Variants in PRDM2 observed in about 807,000 individuals in gnomAD.
PRDM2 encodes the protein PR/SET domain 2.
PRDM2 carries 30 observed loss-of-function variants against 130.0 expected under a neutral mutation model. The observed-to-expected ratio is 0.23, with a 90% confidence interval of 0.17 to 0.31. The LOEUF (loss-of-function observed/expected upper bound fraction) is 0.31. Among genes scored for constraint, PRDM2 ranks in the 10% least tolerant of loss-of-function variants. The pLI is 1.00. For synonymous variants in PRDM2, 871 were observed against 782.4 expected, an observed-to-expected ratio of 1.11 and a Z score of -1.89; for missense variants, 2,011 against 2,108.4, an observed-to-expected ratio of 0.95 and a Z score of 0.90.
chr1:13,701,760 T>A (rs1642080067), intron 1 of PRDM2, among the ~76,000 whole-genome samples: 1 of 152,220 alleles, frequency 6.6e-6, no homozygotes, highest in African/African-American at 2.4e-5. Context: ...TCCAGGGCTC[T>A]TTTTACTCAA....
intron 7 of PRDM2, 29 bp downstream of exon 7, chr1:13,773,217 A>G: frequency 7.2e-7 from 1 of 1,382,390 alleles, no homozygotes; most frequent in Non-Finnish European, 9.8e-7. Flanking sequence ...CTTGGTCTGA[A>G]TTGGGTGTGT....
chr1:13,816,237 A>C (rs536535882), intron 8 of PRDM2, among the ~76,000 whole-genome samples, 190 bp from the exon 9 acceptor site: 1 of 152,228 alleles, frequency 6.6e-6, no homozygotes, highest in East Asian at 1.9e-4. Context: ...GACATGGAGA[A>C]GTGCACATTG....
At chr1:13,818,411 G>A (rs1388262199) in intron 9 of PRDM2, among the ~76,000 whole-genome samples, 3 of 135,586 alleles carry the variant, frequency 2.2e-5, no homozygotes, top group East Asian at 2.1e-4. Flanking sequence ...ACAGAGTCTC[G>A]CTCTGTCGCC....
intron 6 of PRDM2, among the ~76,000 whole-genome samples, chr1:13,755,595 T>A (rs1161948323): frequency 6.6e-6 from 1 of 152,310 alleles, no homozygotes; most frequent in African/African-American, 2.4e-5. Flanking sequence ...ATTTCCTGTG[T>A]TTTCCTTAAA....
chr1:13,713,275 A>G (rs866279946), intron 1 of PRDM2, among the ~76,000 whole-genome samples: 4 of 152,246 alleles, frequency 2.6e-5, no homozygotes, highest in African/African-American at 7.2e-5. Flanking sequence ...CCTCCTTTCC[A>G]CTGCTCAAGG....
chr1:13,730,078 A>T (rs1361887352), intron 2 of PRDM2, among the ~76,000 whole-genome samples: 1 of 152,180 alleles, frequency 6.6e-6, no homozygotes, highest in East Asian at 1.9e-4. Flanking sequence ...GTCCTGGAGA[A>T]GTGTTTCCCT....
At chr1:13,813,065 T>C (rs568741706) in intron 8 of PRDM2, among the ~76,000 whole-genome samples, 8 of 152,198 alleles carry the variant, frequency 5.3e-5, no homozygotes, top group Admixed American at 4.6e-4. Context: ...TCCATATGAG[T>C]CCACCAACCG....
chr1:13,718,781 G>C (rs1642630345), intron 2 of PRDM2, among the ~76,000 whole-genome samples: 1 of 152,024 alleles, frequency 6.6e-6, no homozygotes, highest in Non-Finnish European at 1.5e-5. Flanking sequence ...TCCATTCTCA[G>C]ATCGTAGGTA....
At chr1:13,777,711 C>G (rs2100653903) in intron 7 of PRDM2, among the ~76,000 whole-genome samples, 1 of 134,844 alleles carries the variant, frequency 7.4e-6, no homozygotes, top group South Asian at 2.7e-4. Flanking sequence ...CAAGTCCTTC[C>G]CTGACTGCCT....
At position 13,806,813 on chromosome 1, in the gene PRDM2, T is replaced by C. The variant is rs1034104313; in HGVS notation, c.5037-9614T>C. Among the ~76,000 whole-genome samples, 2 of 152,166 alleles carry C rather than the reference T, an allele frequency of 1.3e-5. No homozygotes were observed. The highest frequency in any genetic ancestry group is 2.9e-5 in the Non-Finnish European group (2 of 68,030). On this transcript the variant is annotated intron_variant, in intron 8 of 9. Transcript: ENST00000311066. This position sits in a 1 kb window ranked among gnomAD's most constrained non-coding sequence, Gnocchi z 4.1. ...GAAGGACAACTGACTGACACCTCAC[T>C]TGAAGGCCTATGAGACCCTCCCCTC... is the stretch of plus-strand genomic sequence containing the variant.
intron 2 of PRDM2, among the ~76,000 whole-genome samples, chr1:13,727,318 G>A (rs531143496): frequency 1.3e-5 from 2 of 152,060 alleles, no homozygotes; most frequent in East Asian, 3.9e-4. Context: ...GCAGTGGCAC[G>A]ATCTCGGCTC....
chr1:13,712,654 G>A (rs1168762588), intron 1 of PRDM2, among the ~76,000 whole-genome samples: 1 of 152,222 alleles, frequency 6.6e-6, no homozygotes, highest in Non-Finnish European at 1.5e-5. Context: ...CTACTCAGGA[G>A]GCTGAGGCAG....
chr1:13,805,428 G>A lies in PRDM2; in HGVS notation c.5037-10999G>A, dbSNP rs1447993762. On this transcript the variant is annotated intron_variant, in intron 8 of 9. Coordinates refer to ENST00000311066, the MANE Select transcript of PRDM2 (RefSeq NM_001393986.1). Reference sequence around the variant, plus strand: ...CCAGGCTGGGGGCTTCATTTGAATGGGCAGGGGCTTCCTGAAGCACGTGGG... The same window carrying A: ...CCAGGCTGGGGGCTTCATTTGAATGAGCAGGGGCTTCCTGAAGCACGTGGG... 2.6e-5 allele frequency among the ~76,000 whole-genome samples: 4 copies of A among 152,062 alleles called. No individual in the cohort carries two copies. In the East Asian group the frequency reaches 7.8e-4, roughly 30 times the overall value.
At position 13,782,082 on chromosome 1, in the gene PRDM2, A is replaced by G. The variant is rs1336169200; in HGVS notation, c.4287A>G (p.Val1429=). The G allele has an allele frequency of 1.2e-6, 2 of 1,614,118 alleles. No homozygotes were observed. The highest frequency in any genetic ancestry group is 1.7e-6 in the Non-Finnish European group (2 of 1,180,026). ...CATTGAAGAAAAAAAATCAGCTAGT[A>G]CAGAAAGCAATTCTTCAGAAAAACA... ...LNALKKKNQL[V]QKAILQKNKS... Residue 1429 remains valine (V), a synonymous_variant, in exon 8 of 10, where the codon GTA becomes GTG. Transcript: ENST00000311066.
chr1:13,772,333 T>C (rs1644378096), intron 6 of PRDM2: 2 of 152,380 alleles, frequency 1.3e-5, no homozygotes, highest in South Asian at 4.1e-4. Flanking sequence ...TTCATGACTT[T>C]AGTTCCGTTG....
chr1:13,776,411 G>A (rs1367524127), intron 7 of PRDM2, among the ~76,000 whole-genome samples: 7 of 152,156 alleles, frequency 4.6e-5, no homozygotes, highest in East Asian at 3.8e-4. Flanking sequence ...TGGGACTGTC[G>A]CGACAGCAGC....
intron 6 of PRDM2, chr1:13,770,287 A>T (rs770572752): frequency 1.9e-5 from 9 of 474,052 alleles, no homozygotes; most frequent in Admixed American, 9.0e-5. Context: ...GTGCTCTAAC[A>T]TTCTTTTAGG....
intron 8 of PRDM2, chr1:13,787,295 G>T (rs528228639): frequency 2.0e-6 from 2 of 983,968 alleles, no homozygotes; most frequent in Non-Finnish European, 2.4e-6. Context: ...ATGTCTACAC[G>T]TAAGTATAAA....
intron 2 of PRDM2, among the ~76,000 whole-genome samples, chr1:13,725,412 C>G (rs1352109309): frequency 6.6e-6 from 1 of 152,040 alleles, no homozygotes; most frequent in East Asian, 1.9e-4. Flanking sequence ...ACCATGTTGG[C>G]CAGGTTGGTC....
Sources: gnomAD v4.1 joint callset for allele counts (sites outside exome capture counted in the v4.1 genomes callset) on GRCh38, gnomAD v4.1.1 for gene constraint, Gnocchi (gnomAD v3.1) non-coding constraint, MANE v1.5 for transcripts, NCBI Gene and HGNC (gene_info 2026-07-23, HGNC 2026-07-21) for gene names.